Variants in PVT1 observed in about 807,000 individuals in gnomAD.
PVT1 encodes CXCR4/PVT1 fusion.
intron 3 of PVT1, among the ~76,000 whole-genome samples, chr8:127,892,896 C>G (rs80123139): frequency 1.1e-4 from 16 of 152,286 alleles, no homozygotes; most frequent in African/African-American, 3.9e-4. Flanking sequence ...CCAGTCCTCT[C>G]TCACCCCTTC....
At chr8:127,968,697 A>C (rs1816729793) in intron 3 of PVT1, among the ~76,000 whole-genome samples, 1 of 152,164 alleles carries the variant, frequency 6.6e-6, no homozygotes, top group Non-Finnish European at 1.5e-5. Context: ...ACGTGACCTT[A>C]GTTGGAAGGA....
intron 4 of PVT1, among the ~76,000 whole-genome samples, chr8:128,041,350 T>C (rs1813535578): frequency 6.6e-6 from 1 of 151,092 alleles, no homozygotes; most frequent in Non-Finnish European, 1.5e-5. Context: ...CTTGTATGTG[T>C]TGTGCTCATG....
chr8:127,871,197 G>C (rs1305259517), intron 2 of PVT1, among the ~76,000 whole-genome samples: 1 of 152,240 alleles, frequency 6.6e-6, no homozygotes, highest in Non-Finnish European at 1.5e-5. Flanking sequence ...GGGAGCACCA[G>C]GAGGGGCTGT....
chr8:128,025,969 T>G (rs1167165016), intron 4 of PVT1, among the ~76,000 whole-genome samples: 1 of 151,960 alleles, frequency 6.6e-6, no homozygotes, highest in African/African-American at 2.4e-5. Context: ...TTTTTTCTTT[T>G]GAGACAGACT....
chr8:127,883,207 A>G (rs1815489181), intron 2 of PVT1, among the ~76,000 whole-genome samples: 1 of 152,094 alleles, frequency 6.6e-6, no homozygotes, highest in South Asian at 2.1e-4. Context: ...TCAAAGCTTT[A>G]GGACCAGGGA....
chr8:127,940,382 C>T (rs953086416), intron 3 of PVT1: 6 of 152,076 alleles, frequency 3.9e-5, no homozygotes, highest in Non-Finnish European at 8.8e-5. Flanking sequence ...CAGAGCAGAA[C>T]GGCAGGGCCA....
At chr8:127,886,479 C>CAGGT (rs1447210963) in intron 2 of PVT1, among the ~76,000 whole-genome samples, 1 of 152,190 alleles carries the variant, frequency 6.6e-6, no homozygotes, top group African/African-American at 2.4e-5. Flanking sequence ...TATTGTCCTA[C>CAGGT]AGGTCTCTGA....
chr8:128,039,682 C>T (rs936077987), intron 4 of PVT1, among the ~76,000 whole-genome samples: 1 of 152,148 alleles, frequency 6.6e-6, no homozygotes, highest in African/African-American at 2.4e-5. Context: ...ATGGGACCAT[C>T]GGAAACTTTT....
chr8:127,883,044 C>T (rs12679245), intron 2 of PVT1, among the ~76,000 whole-genome samples: 67,790 of 149,896 alleles, frequency 0.45, 15,931 homozygotes, highest in East Asian at 0.81. Context: ...CTTGCACGCA[C>T]ACATGCATGC....
chr8:127,860,275 C>T (rs1170490234), intron 2 of PVT1, among the ~76,000 whole-genome samples: 2 of 152,196 alleles, frequency 1.3e-5, no homozygotes, highest in Non-Finnish European at 2.9e-5. Context: ...GGTGTGGGAC[C>T]AGCAACAGGC....
At chr8:128,061,868 C>T (rs891648518) in intron 4 of PVT1, among the ~76,000 whole-genome samples, 2 of 152,144 alleles carry the variant, frequency 1.3e-5, no homozygotes, top group Admixed American at 1.3e-4. Context: ...GAGCATTGCA[C>T]GGCATGTGAC....
At position 127,828,747 on chromosome 8, in the gene PVT1, C is replaced by T. The variant is rs76149880; in HGVS notation, n.372+32676C>T. Among the ~76,000 whole-genome samples the T allele has an allele frequency of 7.2e-3, 1,091 of 152,208 alleles. 13 individuals carry two copies. Among genetic ancestry groups the T allele is most frequent in the African/African-American group, 0.025 (1,038 of 41,528 alleles). The stretch of plus-strand genomic sequence containing the variant: ...TGGTGCAGGTCCGCCCCCCCAGACT[C>T]ATCCTTCCATGTGTGTCCTCGTGGC... On this transcript the variant is annotated intron_variant and non_coding_transcript_variant, in intron 2 of 10. Coordinates refer to ENST00000651587, the Ensembl canonical transcript of PVT1.
intron 4 of PVT1, among the ~76,000 whole-genome samples, chr8:128,033,320 T>C (rs1376899458): frequency 6.6e-6 from 1 of 152,134 alleles, no homozygotes; most frequent in Non-Finnish European, 1.5e-5. Context: ...CATGTGTGTG[T>C]GCATGTGTGT....
chr8:127,946,229 A>G (rs1336467804), intron 3 of PVT1, among the ~76,000 whole-genome samples: 2 of 152,170 alleles, frequency 1.3e-5, no homozygotes, highest in African/African-American at 4.8e-5. Context: ...CAAGCCATTC[A>G]ATCGATTGTA....
At chr8:127,893,144 A>G (rs751441627) in intron 3 of PVT1, among the ~76,000 whole-genome samples, 2 of 152,184 alleles carry the variant, frequency 1.3e-5, no homozygotes, top group Non-Finnish European at 2.9e-5. Context: ...TGATGTAGTA[A>G]TAATCTCCAT....
In PVT1 at chr8:127,957,582, AAAAAG is replaced by A. The variant is rs1453995167; in HGVS notation, n.783-31565_783-31561del. Reference sequence around the variant, plus strand: ...ACTCCGTCTCAAAAAAAAAAAAAAAAAAAAGAAAAGAAAAGAAAAAAAAGTCTTCT... The same window carrying A: ...ACTCCGTCTCAAAAAAAAAAAAAAAAAAAAGAAAAGAAAAAAAAGTCTTCT... On this transcript the variant is annotated intron_variant and non_coding_transcript_variant, in intron 3 of 10. Transcript: ENST00000651587. 3.7e-3 allele frequency among the ~76,000 whole-genome samples: 539 copies of A among 146,084 alleles called. 5 individuals carry two copies. The highest frequency in any genetic ancestry group is 0.013 in the African/African-American group (517 of 38,642).
At chr8:127,987,238 G>T (rs28506052) in intron 3 of PVT1, among the ~76,000 whole-genome samples, 6 of 152,106 alleles carry the variant, frequency 3.9e-5, no homozygotes, top group African/African-American at 7.2e-5. Context: ...CCTCTTCTGC[G>T]CACTGTCTCA....
At chr8:127,827,634 G>T (rs78255756) in intron 2 of PVT1, among the ~76,000 whole-genome samples, 1 of 152,044 alleles carries the variant, frequency 6.6e-6, no homozygotes, top group Admixed American at 6.6e-5. Flanking sequence ...CTGCTTGCAC[G>T]TCAGGGTTGA....
intron 3 of PVT1, among the ~76,000 whole-genome samples, chr8:127,924,275 GATATAATTCAC>G (rs1313032088): frequency 1.3e-5 from 2 of 152,112 alleles, no homozygotes; most frequent in Non-Finnish European, 2.9e-5. Context: ...GCTTTATTGA[GATATAATTCAC>G]ATATAATTCA....
Sources: gnomAD v4.1 joint callset for allele counts (sites outside exome capture counted in the v4.1 genomes callset) on GRCh38, gnomAD v4.1.1 for gene constraint, MANE v1.5 for transcripts, NCBI Gene and HGNC (gene_info 2026-07-23, HGNC 2026-07-21) for gene names.